Variants in RBM19 observed in about 807,000 individuals in gnomAD.
RBM19 encodes RNA binding motif protein 19.
RBM19 carries 94 observed loss-of-function variants against 116.8 expected under a neutral mutation model. The ratio of observed to expected loss-of-function variants is 0.80; its 90% CI spans 0.68 to 0.95. The LOEUF (loss-of-function observed/expected upper bound fraction) is 0.95. Among genes scored for constraint, RBM19 ranks in the 40% least tolerant of loss-of-function variants. The pLI is 0.00. For missense variants in RBM19, 1,161 were observed against 1,220.7 expected (o/e 0.95, Z 0.73); for synonymous variants, 475 against 494.1 (o/e 0.96, Z 0.51).
In RBM19 at chr12:113,966,093, A is replaced by G. The variant is rs1872844956; in HGVS notation, c.36+99T>C. On this transcript the variant is annotated intron_variant, in intron 1 of 23. Transcript: ENST00000261741. ...CAGAATTGGCCCGGAGTCCTGCCCC[A>G]GAGCAAAAATTCTTCGATCACCTCC... The G allele has an allele frequency of 1.3e-5, 19 of 1,485,062 alleles. No individual in the cohort carries two copies. In the South Asian group the frequency reaches 1.6e-4, roughly 12 times the overall value. The allele number at this position is 1,485,062 out of a possible 1,614,324, so 92.0% of individuals were successfully genotyped here.
chr12:113,869,999 AAT>A (rs1174582107), intron 21 of RBM19, among the ~76,000 whole-genome samples: 1 of 152,184 alleles, frequency 6.6e-6, no homozygotes, highest in Non-Finnish European at 1.5e-5. Flanking sequence ...GTCAACACCA[AAT>A]CTAGAAACCT....
intron 11 of RBM19, 147 bp from the exon 12 acceptor site, chr12:113,946,622 T>C (rs1172808048): frequency 1.0e-5 from 10 of 1,004,294 alleles, no homozygotes; most frequent in African/African-American, 1.6e-5. Flanking sequence ...AGGTAGAACG[T>C]GGCCACTCTC....
intron 23 of RBM19, among the ~76,000 whole-genome samples, chr12:113,831,964 G>A (rs56332654): frequency 2.1e-4 from 32 of 152,242 alleles, no homozygotes; most frequent in Non-Finnish European, 4.4e-4. Flanking sequence ...GGCCAGCCAT[G>A]TGCACCACTT....
chr12:113,858,302 G>A (rs1878072938), intron 22 of RBM19, among the ~76,000 whole-genome samples: 1 of 152,252 alleles, frequency 6.6e-6, no homozygotes, highest in South Asian at 2.1e-4. Flanking sequence ...TGCAGGGGCT[G>A]CCCTCACAGA....
At chr12:113,902,086 A>G (rs969174460) in intron 21 of RBM19, among the ~76,000 whole-genome samples, 2 of 152,210 alleles carry the variant, frequency 1.3e-5, no homozygotes, top group Non-Finnish European at 2.9e-5. Context: ...TCATCATCAG[A>G]AAATCAACAT....
intron 21 of RBM19, among the ~76,000 whole-genome samples, chr12:113,866,521 A>G (rs79155940): frequency 0.066 from 10,060 of 152,290 alleles, 653 homozygotes; most frequent in East Asian, 0.34. Context: ...CGGATTTGGC[A>G]TGCAAAAAGT....
chr12:113,937,250 CA>C, intron 15 of RBM19, 114 bp from the exon 16 acceptor site: 2 of 1,341,930 alleles, frequency 1.5e-6, no homozygotes, highest in Non-Finnish European at 2.0e-6. Flanking sequence ...GCAACTCACC[CA>C]AGAATGGAGC....
At chr12:113,894,364 G>A (rs191560091) in intron 21 of RBM19, among the ~76,000 whole-genome samples, 1 of 152,332 alleles carries the variant, frequency 6.6e-6, no homozygotes, top group Admixed American at 6.5e-5. Flanking sequence ...GAAGTTTTAG[G>A]TACCAAAATA....
chr12:113,957,106 C>T (rs1027729714), intron 6 of RBM19, among the ~76,000 whole-genome samples: 8 of 152,256 alleles, frequency 5.3e-5, no homozygotes, highest in African/African-American at 1.4e-4. Context: ...CCAGTTTGCC[C>T]GGGATAGTTG....
Position 113,962,263 on chromosome 12 carries a change from T to C in RBM19, c.188A>G (p.Asn63Ser), listed in dbSNP as rs1013045527. Residue 63 changes from asparagine to serine, a missense_variant, in exon 2 of 24, where the codon AAC (asparagine) becomes AGC (serine). Physicochemically the swap from Asn to Ser is conservative, Grantham distance 46. Transcript: ENST00000261741. ...CCGGGATGTGTCGATGAAGCTCTTG[T>C]TGAAATGCTTCTGTGCCTTCTGGGC... ...EEAQKAQKHF[N>S]KSFIDTSRIT... The C allele has an allele frequency of 3.1e-6, 5 of 1,614,140 alleles. No homozygotes were observed. The highest frequency in any genetic ancestry group is 2.7e-5 in the African/African-American group (2 of 74,948).
chr12:113,936,988 T>TCTCAGA lies in RBM19; in HGVS notation c.2068+13_2068+18dup, dbSNP rs2135899326. On this transcript the variant is annotated intron_variant, in intron 16 of 23. Transcript: ENST00000261741. ...TCACCAGGATCCCAAGCCATCCTGGTCTCAGACTCAGCTCTTACCTGTTTC... is the reference window on the plus strand; with the variant it reads ...TCACCAGGATCCCAAGCCATCCTGGTCTCAGACTCAGACTCAGCTCTTACCTGTTTC... The TCTCAGA allele has an allele frequency of 3.1e-6, 5 of 1,612,116 alleles. No homozygotes were observed. The East Asian group carries it at 1.1e-4, about 36-fold the overall frequency.
chr12:113,831,256 GCT>G (rs1875385021), intron 23 of RBM19, among the ~76,000 whole-genome samples: 1 of 152,184 alleles, frequency 6.6e-6, no homozygotes, highest in Non-Finnish European at 1.5e-5. Context: ...TGTGGTCTCT[GCT>G]CTTTTCTCTC....
intron 22 of RBM19, among the ~76,000 whole-genome samples, chr12:113,855,143 C>T (rs1051960758): frequency 6.6e-6 from 1 of 152,188 alleles, no homozygotes; most frequent in Non-Finnish European, 1.5e-5. Flanking sequence ...AACTCAGAAC[C>T]CCTCAGTTCG....
At chr12:113,921,325 G>C (rs1868539698) in intron 18 of RBM19, among the ~76,000 whole-genome samples, 1 of 152,032 alleles carries the variant, frequency 6.6e-6, no homozygotes, top group African/African-American at 2.4e-5. Context: ...TTTTTATAGG[G>C]CACTAAAAAA....
At chr12:113,861,482 GT>G (rs1878371533) in intron 21 of RBM19, among the ~76,000 whole-genome samples, 1 of 118,870 alleles carries the variant, frequency 8.4e-6, no homozygotes, top group South Asian at 2.6e-4. Context: ...CTCTGTGTGT[GT>G]GTGTGTGTGT....
At chr12:113,937,313 C>G (rs1193566673) in intron 15 of RBM19, 177 bp from the exon 16 acceptor site, 2 of 668,268 alleles carry the variant, frequency 3.0e-6, no homozygotes, top group Non-Finnish European at 4.8e-6. Flanking sequence ...CTGAGGACAA[C>G]ATTCGGCCCC....
At chr12:113,940,813 A>G (rs1870510610) in intron 14 of RBM19, among the ~76,000 whole-genome samples, 1 of 152,226 alleles carries the variant, frequency 6.6e-6, no homozygotes, top group Non-Finnish European at 1.5e-5. Context: ...TGGGAGAACC[A>G]AAACTAAAAG....
chr12:113,845,432 C>T (rs1192839711), intron 22 of RBM19, among the ~76,000 whole-genome samples: 1 of 152,210 alleles, frequency 6.6e-6, no homozygotes, highest in Non-Finnish European at 1.5e-5. Flanking sequence ...GCCTGGTTCC[C>T]TCTTTCTGCT....
At position 113,887,648 on chromosome 12, in the gene RBM19, A is replaced by AAG. The variant is rs557183353; in HGVS notation, c.2558+27320_2558+27321insCT. Among the ~76,000 whole-genome samples the AAG allele has an allele frequency of 5.7e-4, 86 of 149,576 alleles. 1 individual carries two copies. The highest frequency in any genetic ancestry group is 1.2e-3 in the Non-Finnish European group (80 of 67,422). On this transcript the variant is annotated intron_variant, in intron 21 of 23. Coordinates refer to ENST00000261741, the MANE Select transcript of RBM19 (RefSeq NM_016196.4). Reference sequence around the variant, plus strand: ...AGACTCCATCTCAAAAAAAAAAAAAAAAAGAAAAAAGAAAAAAGAAAAAGC... The same window carrying AAG: ...AGACTCCATCTCAAAAAAAAAAAAAAAGAAAGAAAAAAGAAAAAAGAAAAAGC...
Sources: gnomAD v4.1 joint callset for allele counts (sites outside exome capture counted in the v4.1 genomes callset) on GRCh38, gnomAD v4.1.1 for gene constraint, MANE v1.5 for transcripts, NCBI Gene and HGNC (gene_info 2026-07-23, HGNC 2026-07-21) for gene names.